Variants in PCARE observed in about 807,000 individuals in gnomAD.
PCARE encodes uncharacterized protein C2orf71.
Under a neutral mutation model 82.2 loss-of-function variants are expected in PCARE, and 72 were observed. That is an observed-to-expected ratio of 0.88 (90% CI 0.72 to 1.07). The LOEUF (loss-of-function observed/expected upper bound fraction) is 1.07. Among genes scored for constraint, PCARE ranks in the 50% least tolerant of loss-of-function variants. The pLI is 0.00. For synonymous variants in PCARE, 705 were observed against 634.8 expected (o/e 1.11, Z -1.66); for missense variants, 1,768 against 1,592.4 (o/e 1.11, Z -1.88).
rs369937337 is a variant in PCARE at position 29,070,973 on chromosome 2, G to A, written c.3289C>T (p.Gln1097Ter). The A allele has an allele frequency of 2.6e-5, 42 of 1,609,676 alleles. No homozygotes were observed. Among genetic ancestry groups the A allele is most frequent in the South Asian group, 5.5e-5 (5 of 90,946 alleles). ...PSPSPPMSPS[Q>*]EHKETRDSED... ...GAGTCTCTTGTTTCCTTGTGCTCCT[G>A]AGAAGGGGACATTGGGGGTGATGGG... Residue 1097 changes from glutamine (Q) to a stop codon, truncating the protein, a stop_gained, in exon 1 of 2, where the codon CAG becomes TAG. Transcript: ENST00000331664. LOFTEE classifies it high-confidence loss of function.
rs753389377 is a variant in PCARE at position 29,071,196 on chromosome 2, G to T, written c.3066C>A (p.Ser1022Arg). The change falls in exon 1 of 2, where the codon AGC (serine) becomes AGA (arginine). Residue 1022 changes from serine to arginine, a missense_variant. Transcript: ENST00000331664. ...TGGGGGGCGTCTGCACAGCAGAGGG[G>T]CTTGGCTGGGCAGGTCTGTAAGAGG... ...LPSSYRPAQP[S>R]PSAVQTPPSP... 23 of 1,599,224 alleles carry T rather than the reference G, an allele frequency of 1.4e-5. No homozygotes were observed. The highest frequency in any genetic ancestry group is 1.9e-5 in the Non-Finnish European group (22 of 1,172,684).
At position 29,064,768 on chromosome 2, in the gene PCARE, G is replaced by T; in HGVS notation, c.*101C>A. 6.7e-7 allele frequency: 1 copy of T among 1,487,178 alleles called. No individual in the cohort carries two copies. The allele number at this position is 1,487,178 out of a possible 1,614,324, so 92.1% of individuals were successfully genotyped here. On this transcript the variant is annotated 3_prime_UTR_variant, in exon 2 of 2. Coordinates refer to ENST00000331664, the MANE Select transcript of PCARE (RefSeq NM_001029883.3). ...CAGGCCTTTCCAGGACACCTCAGTA[G>T]GAGTTTGGTTTGCCCATCATCTCTG...
At position 29,064,690 on chromosome 2, in the gene PCARE, C is replaced by A. The variant is rs1667365060; in HGVS notation, c.*179G>T. 3 of 753,198 alleles carry A rather than the reference C, an allele frequency of 4.0e-6. No individual in the cohort carries two copies. The highest frequency in any genetic ancestry group is 4.4e-6 in the Non-Finnish European group (2 of 457,986). The allele number at this position is 753,198 out of a possible 1,614,324, so 46.7% of individuals were successfully genotyped here. On this transcript the variant is annotated 3_prime_UTR_variant, in exon 2 of 2. Transcript: ENST00000331664. ...CCCCAAGGCAGAGCAAGATCTGGGA[C>A]TGAAAACGGCGATTGTTTAAAATTC...
Position 29,070,740 on chromosome 2 carries a change from G to A in PCARE, c.3522C>T (p.Asp1174=), listed in dbSNP as rs188815175. 4,563 of 1,614,152 alleles carry A rather than the reference G, an allele frequency of 2.8e-3. 10 individuals carry two copies. The highest frequency in any genetic ancestry group is 3.2e-3 in the Non-Finnish European group (3,751 of 1,180,038). ...KNSSGPWLRA[D]SQRRAALCAL... is the part of the protein sequence containing the mutation. ...CACACAGAGCTGCTCTCCGCTGCGA[G>A]TCTGCTCTCAGCCAAGGCCCTGAGC... The change falls in exon 1 of 2, where the codon GAC becomes GAT. Residue 1174 remains aspartate, a synonymous_variant. Transcript: ENST00000331664.
chr2:29,073,911 C>G lies in PCARE; in HGVS notation c.351G>C (p.Lys117Asn). Residue 117 changes from lysine (K) to asparagine (N), a missense_variant, in exon 1 of 2, where the codon AAG becomes AAC. By Grantham distance (94) the Lys-to-Asn change is moderately conservative. Coordinates refer to ENST00000331664, the MANE Select transcript of PCARE (RefSeq NM_001029883.3). ...QSHMAKDIPF[K>N]TQGSHGSQGA... ...CTTGTGATCCATGGGAACCCTGTGT[C>G]TTGAACGGAATATCCTTAGCCATGT... 6.2e-7 allele frequency: 1 copy of G among 1,614,232 alleles called. No individual in the cohort carries two copies. The highest frequency in any genetic ancestry group is 8.5e-7 in the Non-Finnish European group (1 of 1,180,034).
Position 29,064,559 on chromosome 2 carries a change from T to C in PCARE, c.*310A>G, listed in dbSNP as rs538923332. 5.1e-5 allele frequency: 27 copies of C among 527,060 alleles called. No homozygotes were observed. The highest frequency in any genetic ancestry group is 1.6e-4 in the Admixed American group (5 of 31,278). 32.6% of individuals were successfully genotyped at this position (527,060 alleles called of 1,614,324 possible). A position where few individuals can be genotyped will look rare whatever the true frequency, so the allele number is the denominator to read the frequency against. On this transcript the variant is annotated 3_prime_UTR_variant, in exon 2 of 2. Transcript: ENST00000331664. ...AACCCAGTTAAAACCCTATCAAGCA[T>C]GCAACTATACATTCTCCACCCCCCA...
Position 29,063,955 on chromosome 2 carries a change from G to A in PCARE, c.*914C>T, listed in dbSNP as rs1013771426. On this transcript the variant is annotated 3_prime_UTR_variant, in exon 2 of 2. Transcript: ENST00000331664. ...CCAGCACCCACGGCATGTGGAGAAT[G>A]GGCTGCCTTGTTTGGGAGGCTTGGT... 1 of 153,172 alleles carries A rather than the reference G, an allele frequency of 6.5e-6. No individual in the cohort carries two copies. Among genetic ancestry groups the A allele is most frequent in the Non-Finnish European group, 1.5e-5 (1 of 68,056 alleles). The allele number at this position is 153,172 out of a possible 1,614,324, so 9.5% of individuals were successfully genotyped here.
At position 29,070,733 on chromosome 2, in the gene PCARE, G is replaced by A. The variant is rs201354788; in HGVS notation, c.3529C>T (p.Arg1177Trp). 2.6e-4 allele frequency: 426 copies of A among 1,614,084 alleles called. No individual in the cohort carries two copies. Among genetic ancestry groups the A allele is most frequent in the Admixed American group, 3.2e-4 (19 of 60,016 alleles). ...TTGAGGGCACACAGAGCTGCTCTCC[G>A]CTGCGAGTCTGCTCTCAGCCAAGGC... ...SGPWLRADSQRRAALCALNPL... is the reference protein window; with the variant it reads ...SGPWLRADSQWRAALCALNPL... The change falls in exon 1 of 2, where the codon CGG becomes TGG. Residue 1177 changes from arginine (R) to tryptophan (W), a missense_variant. Transcript: ENST00000331664.
rs764361292 is a variant in PCARE at position 29,072,107 on chromosome 2, C to T, written c.2155G>A (p.Asp719Asn). ...GTGGGACAGCCTCTGACATTCCAGT[C>T]TGTGGCCTTGGCAGCCTCACTGACC... ...GEVSEAAKATDWNVRGCPTRT... is the reference protein window; with the variant it reads ...GEVSEAAKATNWNVRGCPTRT... Residue 719 changes from aspartate (D) to asparagine (N), a missense_variant, in exon 1 of 2, where the codon GAC (aspartate) becomes AAC (asparagine). Transcript: ENST00000331664. The T allele has an allele frequency of 1.9e-6, 3 of 1,614,272 alleles. No individual in the cohort carries two copies. Among genetic ancestry groups the T allele is most frequent in the Non-Finnish European group, 2.5e-6 (3 of 1,180,052 alleles).
Position 29,072,322 on chromosome 2 carries a change from G to C in PCARE, c.1940C>G (p.Ala647Gly), listed in dbSNP as rs749836433. The C allele has an allele frequency of 1.9e-6, 3 of 1,614,138 alleles. No homozygotes were observed. The highest frequency in any genetic ancestry group is 1.7e-5 in the Admixed American group (1 of 60,028). The stretch of plus-strand genomic sequence containing the variant: ...GCAGGTGCCATTGGGCCACACGGCG[G>C]CTGCTCTGGGCTGCAGAATTTGCTC... ...SQEQILQPRA[A>G]AVWPNGTCRV... Residue 647 changes from alanine to glycine, a missense_variant, in exon 1 of 2, where the codon GCC becomes GGC. Physicochemically the swap from Ala to Gly is moderately conservative, Grantham distance 60 (BLOSUM62 0). Coordinates refer to ENST00000331664, the MANE Select transcript of PCARE (RefSeq NM_001029883.3).
chr2:29,067,844 C>T (rs1412768408), intron 1 of PCARE, among the ~76,000 whole-genome samples: 3 of 152,154 alleles, frequency 2.0e-5, no homozygotes, highest in South Asian at 2.1e-4. Context: ...TGCACCTGAC[C>T]GTCCTCTCTC....
In PCARE at chr2:29,071,822, C is replaced by T. The variant is rs1285542689; in HGVS notation, c.2440G>A (p.Ala814Thr). 1.2e-6 allele frequency: 2 copies of T among 1,614,080 alleles called. No individual in the cohort carries two copies. Among genetic ancestry groups the T allele is most frequent in the Non-Finnish European group, 1.7e-6 (2 of 1,180,024 alleles). Reference sequence around the variant, plus strand: ...TCACAGCTGAGCTCCTCACTCTTGGCTGCTTCTGCTTTAGGCAGAGGGGGA... The same window carrying T: ...TCACAGCTGAGCTCCTCACTCTTGGTTGCTTCTGCTTTAGGCAGAGGGGGA... ...IFPPLPKAEAAKSEELSCEME... is the reference protein window; with the variant it reads ...IFPPLPKAEATKSEELSCEME... The change falls in exon 1 of 2, where the codon GCC becomes ACC. Residue 814 changes from alanine (A) to threonine (T), a missense_variant. By Grantham distance (58) the Ala-to-Thr change is moderately conservative (BLOSUM62 0). Coordinates refer to ENST00000331664, the MANE Select transcript of PCARE (RefSeq NM_001029883.3).
rs182812191 is a variant in PCARE at position 29,070,735 on chromosome 2, T to G, written c.3527A>C (p.Gln1176Pro). 4 of 1,614,004 alleles carry G rather than the reference T, an allele frequency of 2.5e-6. No homozygotes were observed. In the Middle Eastern group the frequency reaches 4.9e-4, roughly 199 times the overall value. ...SSGPWLRADSQRRAALCALNP... is the reference protein window; with the variant it reads ...SSGPWLRADSPRRAALCALNP... Reference sequence around the variant, plus strand: ...GAGGGCACACAGAGCTGCTCTCCGCTGCGAGTCTGCTCTCAGCCAAGGCCC... The same window carrying G: ...GAGGGCACACAGAGCTGCTCTCCGCGGCGAGTCTGCTCTCAGCCAAGGCCC... Residue 1176 changes from glutamine to proline, a missense_variant, in exon 1 of 2, where the codon CAG becomes CCG. By Grantham distance (76) the Gln-to-Pro change is moderately conservative (BLOSUM62 -1). Transcript: ENST00000331664.
Position 29,072,797 on chromosome 2 carries a change from G to A in PCARE, c.1465C>T (p.Pro489Ser), listed in dbSNP as rs1667515434. 2 of 1,614,004 alleles carry A rather than the reference G, an allele frequency of 1.2e-6. No individual in the cohort carries two copies. The highest frequency in any genetic ancestry group is 2.2e-5 in the South Asian group (2 of 91,070). ...ATTTTGTCTTCCTCCTCCTCCTCTG[G>A]GCTGCTGTCCTCGCTGTCACTAAGA... is the stretch of plus-strand genomic sequence containing the variant. ...SSLSDSEDSSPEEEEEDKMSS... is the reference protein window; with the variant it reads ...SSLSDSEDSSSEEEEEDKMSS... Residue 489 changes from proline (P) to serine (S), a missense_variant, in exon 1 of 2, where the codon CCA (proline) becomes TCA (serine). By Grantham distance (74) the Pro-to-Ser change is moderately conservative. Coordinates refer to ENST00000331664, the MANE Select transcript of PCARE (RefSeq NM_001029883.3).
Position 29,071,131 on chromosome 2 carries a change from G to C in PCARE, c.3131C>G (p.Thr1044Arg). ...GTGCGGTGGGGAAGTTCGCCGCTTT[G>C]TGGTGGGTGGGCTTAGCACCCTGGG... ...VSPRVLSPPT[T>R]KRRTSPPHQP... The change falls in exon 1 of 2, where the codon ACA becomes AGA. Residue 1044 changes from threonine to arginine, a missense_variant. Physicochemically the swap from Thr to Arg is moderately conservative, Grantham distance 71. Coordinates refer to ENST00000331664, the MANE Select transcript of PCARE (RefSeq NM_001029883.3). The C allele has an allele frequency of 6.3e-7, 1 of 1,586,366 alleles. No homozygotes were observed. The highest frequency in any genetic ancestry group is 1.2e-5 in the South Asian group (1 of 85,242).
rs1341882335 is a variant in PCARE at position 29,072,534 on chromosome 2, TG to T, written c.1727del (p.Pro576GlnfsTer6). 1 of 1,614,138 alleles carries T rather than the reference TG, an allele frequency of 6.2e-7. No homozygotes were observed. Among genetic ancestry groups the T allele is most frequent in the South Asian group, 1.1e-5 (1 of 91,076 alleles). ...EEEEGRTVVP[P>X]RPSTVSGSRR... Reference sequence around the variant, plus strand: ...TGCTGCCACTTACCGTGCTAGGTCTTGGGGGGACCACTGTCCTCCCCTCCTC... The same window carrying T: ...TGCTGCCACTTACCGTGCTAGGTCTTGGGGGACCACTGTCCTCCCCTCCTC... On this transcript the variant is annotated frameshift_variant, in exon 1 of 2. Transcript: ENST00000331664. LOFTEE classifies it high-confidence loss of function.
At chr2:29,067,629 C>T (rs1302672245) in intron 1 of PCARE, among the ~76,000 whole-genome samples, 2 of 152,218 alleles carry the variant, frequency 1.3e-5, no homozygotes, top group African/African-American at 4.8e-5. Flanking sequence ...ACTGTAACTG[C>T]CACTTCCCAG....
At position 29,074,175 on chromosome 2, in the gene PCARE, C is replaced by A; in HGVS notation, c.87G>T (p.Arg29=). ...TTTCACTTCCGCCCTGACATCCTGG[C>A]CGAATTGCTTTGGGCTTTTTCAAGA... ...IQFLKKPKAI[R]PGCQGGSERG... The change falls in exon 1 of 2, where the codon CGG becomes CGT. Residue 29 remains arginine, a synonymous_variant. Transcript: ENST00000331664. 1 of 1,608,964 alleles carries A rather than the reference C, an allele frequency of 6.2e-7. No individual in the cohort carries two copies. The highest frequency in any genetic ancestry group is 8.5e-7 in the Non-Finnish European group (1 of 1,176,816).
At position 29,072,332 on chromosome 2, in the gene PCARE, G is replaced by A. The variant is rs774503012; in HGVS notation, c.1930C>T (p.Pro644Ser). ...TTGGGCCACACGGCGGCTGCTCTGG[G>A]CTGCAGAATTTGCTCCTGGCTCTGC... ...QGQSQEQILQ[P>S]RAAAVWPNGT... The change falls in exon 1 of 2, where the codon CCC becomes TCC. Residue 644 changes from proline to serine, a missense_variant. By Grantham distance (74) the Pro-to-Ser change is moderately conservative. Coordinates refer to ENST00000331664, the MANE Select transcript of PCARE (RefSeq NM_001029883.3). The A allele has an allele frequency of 1.2e-6, 2 of 1,614,104 alleles. No individual in the cohort carries two copies. The highest frequency in any genetic ancestry group is 1.3e-5 in the African/African-American group (1 of 75,058).
Sources: allele counts gnomAD v4.1 joint callset (sites outside exome capture counted in the v4.1 genomes callset), GRCh38; gene constraint gnomAD v4.1.1; transcripts MANE v1.5; gene names NCBI Gene and HGNC (gene_info 2026-07-23, HGNC 2026-07-21).